NAV2: variants seen among roughly 807,000 people sequenced by gnomAD.
NAV2 encodes the protein helicase, APC down-regulated 1.
Under a neutral mutation model 223.2 loss-of-function variants are expected in NAV2, and 54 were observed. The ratio of observed to expected loss-of-function variants is 0.24; its 90% confidence interval spans 0.19 to 0.30. The LOEUF is 0.30. NAV2 is among the 10% of genes least tolerant of loss of function. The pLI, the probability that NAV2 is intolerant of heterozygous loss-of-function variation, is 1.00. For missense variants in NAV2, 2,806 were observed against 3,147.5 expected, an observed-to-expected ratio of 0.89 and a Z score of 2.60; for synonymous variants, 1,279 against 1,239.3, an observed-to-expected ratio of 1.03 and a Z score of -0.67.
chr11:19,848,195 C>T (rs1379004118), intron 3 of NAV2, among the ~76,000 whole-genome samples: 1 of 152,186 alleles, frequency 6.6e-6, no homozygotes, highest in Middle Eastern at 3.2e-3. Flanking sequence ...CACTTAGGCA[C>T]AGAGAAGGGC....
chr11:19,498,389 C>G (rs1431183774), intron 1 of NAV2, among the ~76,000 whole-genome samples: 2 of 152,148 alleles, frequency 1.3e-5, no homozygotes, highest in Admixed American at 6.5e-5. Flanking sequence ...TGGCCAGGTC[C>G]CCTGAGGAAT....
chr11:20,033,559 C>A (rs542672938), intron 11 of NAV2, among the ~76,000 whole-genome samples: 1 of 152,118 alleles, frequency 6.6e-6, no homozygotes, highest in Admixed American at 6.6e-5. Context: ...AGCTGCTGGA[C>A]CCTTGTGGAT....
chr11:19,794,323 CGTT>C (rs1218314157), intron 1 of NAV2, among the ~76,000 whole-genome samples: 1 of 152,134 alleles, frequency 6.6e-6, no homozygotes, highest in Non-Finnish European at 1.5e-5. Context: ...CGCCATATAT[CGTT>C]GTCACATTGG....
intron 1 of NAV2, among the ~76,000 whole-genome samples, chr11:19,725,165 A>T (rs2051134143): frequency 6.6e-6 from 1 of 152,216 alleles, no homozygotes. Context: ...ACTGAGATGG[A>T]TACTTTTGTG....
chr11:19,566,571 C>A (rs1379922375), intron 1 of NAV2, among the ~76,000 whole-genome samples: 1 of 152,186 alleles, frequency 6.6e-6, no homozygotes. Flanking sequence ...GGCAGCCACC[C>A]CTGTGCCTGA....
rs146117340 is a variant in NAV2, at chr11:19,490,308, A to C, written c.75+139281A>C. Among the ~76,000 whole-genome samples, 401 of 152,300 alleles carry C rather than the reference A, an allele frequency of 2.6e-3. 1 individual carries two copies. The highest frequency in any genetic ancestry group is 9.1e-3 in the African/African-American group (377 of 41,566). ...CATCAATGGACTCTTCCTTTCACAA[A>C]AGATTTCTCTGTAGCATGTGATGCT... On this transcript the variant is annotated intron_variant, in intron 1 of 37. Coordinates refer to the NAV2 transcript ENST00000360655.
chr11:19,508,015 A>G (rs1387529916), intron 1 of NAV2, among the ~76,000 whole-genome samples: 1 of 152,196 alleles, frequency 6.6e-6, no homozygotes, highest in African/African-American at 2.4e-5. Flanking sequence ...AGAGACATGC[A>G]TTTCTGGATT....
intron 1 of NAV2, among the ~76,000 whole-genome samples, chr11:19,602,614 G>A (rs193127657): frequency 5.9e-5 from 9 of 152,292 alleles, no homozygotes; most frequent in Non-Finnish European, 5.9e-5. Flanking sequence ...AAATCAAGGC[G>A]TGGGCAGAGC....
intron 1 of NAV2, among the ~76,000 whole-genome samples, chr11:19,413,531 C>T (rs1332504864): frequency 6.6e-6 from 1 of 152,102 alleles, no homozygotes; most frequent in Non-Finnish European, 1.5e-5. Flanking sequence ...ACTTCCACAT[C>T]CTATCAAAAC....
chr11:19,993,849 T>C (rs1170717704), intron 11 of NAV2, among the ~76,000 whole-genome samples: 1 of 152,236 alleles, frequency 6.6e-6, no homozygotes, highest in African/African-American at 2.4e-5. Context: ...TAATGGCTCA[T>C]AGAAAATGCT....
At chr11:19,641,417 G>A (rs942151781) in intron 1 of NAV2, among the ~76,000 whole-genome samples, 8 of 151,954 alleles carry the variant, frequency 5.3e-5, no homozygotes, top group Admixed American at 5.2e-4. Flanking sequence ...AATACTGCAG[G>A]AGACTCTTAG....
At position 20,097,575 on chromosome 11, in the gene NAV2, A is replaced by G; in HGVS notation, c.6013-2A>G. The stretch of plus-strand genomic sequence containing the variant: ...GGGGTCTTTATTTTTTATTTTTTCC[A>G]GGAATACATCATTCATGTCGACCCA... On this transcript the variant is annotated splice_acceptor_variant, in intron 30 of 37. Transcript: ENST00000349880. LOFTEE classifies it high-confidence loss of function. The G allele has an allele frequency of 6.4e-7, 1 of 1,570,406 alleles. No individual in the cohort carries two copies. Among genetic ancestry groups the G allele is most frequent in the East Asian group, 2.3e-5 (1 of 43,964 alleles).
chr11:19,596,980 G>A (rs574561549), intron 1 of NAV2, among the ~76,000 whole-genome samples: 3 of 152,300 alleles, frequency 2.0e-5, no homozygotes, highest in African/African-American at 7.2e-5. Flanking sequence ...CTAGAAGGTG[G>A]CCACACCTAG....
chr11:20,102,358 A>G (rs1230145581), intron 32 of NAV2, among the ~76,000 whole-genome samples: 3 of 152,140 alleles, frequency 2.0e-5, no homozygotes, highest in Non-Finnish European at 2.9e-5. Flanking sequence ...GCAGGCTAGC[A>G]TCTAAGACAG....
At chr11:19,643,687 G>T (rs1314848000) in intron 1 of NAV2, among the ~76,000 whole-genome samples, 1 of 152,134 alleles carries the variant, frequency 6.6e-6, no homozygotes, top group African/African-American at 2.4e-5. Flanking sequence ...CCCAGTAATG[G>T]GATGGCTGGG....
At position 20,012,694 on chromosome 11, in the gene NAV2, A is replaced by AG. The variant is rs1555192196; in HGVS notation, c.2769-23260dup. On this transcript the variant is annotated intron_variant, in intron 11 of 37. Transcript: ENST00000349880. ...CATCTCAAAAAAAAAAAAAAAAAGA[A>AG]GGGGGAAAAGAGCGACCAGGGGATA... 1.0e-4 allele frequency among the ~76,000 whole-genome samples: 15 copies of AG among 147,004 alleles called. 1 individual carries two copies. The highest frequency in any genetic ancestry group is 7.4e-5 in the Non-Finnish European group (5 of 67,420).
intron 5 of NAV2, among the ~76,000 whole-genome samples, chr11:19,887,978 T>A (rs1451291680): frequency 6.7e-6 from 1 of 150,126 alleles, no homozygotes; most frequent in Non-Finnish European, 1.5e-5. Flanking sequence ...AGCACGTACA[T>A]CGCGTGGAAC....
intron 6 of NAV2, among the ~76,000 whole-genome samples, chr11:19,902,408 A>T (rs2042520204): frequency 6.6e-6 from 1 of 152,136 alleles, no homozygotes; most frequent in Non-Finnish European, 1.5e-5. Flanking sequence ...CTAAATATGG[A>T]TACATTTCAA....
intron 1 of NAV2, among the ~76,000 whole-genome samples, chr11:19,491,342 C>T (rs557472525): frequency 1.3e-5 from 2 of 152,328 alleles, no homozygotes; most frequent in South Asian, 4.1e-4. Flanking sequence ...GTTTCATATT[C>T]ACGGAAAATC....
Sources: gnomAD v4.1 joint callset for allele counts (sites outside exome capture counted in the v4.1 genomes callset) on GRCh38, gnomAD v4.1.1 for gene constraint, MANE v1.5 for transcripts, NCBI Gene and HGNC (gene_info 2026-07-23, HGNC 2026-07-21) for gene names.